The following ARHGAP35 variants were observed in gnomAD, a reference collection of about 807,000 sequenced individuals.
ARHGAP35 encodes Rho GTPase activating protein 35.
Under a neutral mutation model 111.1 loss-of-function variants are expected in ARHGAP35, and 15 were observed. That is an observed-to-expected ratio of 0.13 (90% CI 0.09 to 0.21). The LOEUF is 0.21. ARHGAP35 is among the 10% of genes least tolerant of loss of function. The probability of loss-of-function intolerance (pLI) is 1.00; values close to 1 mark genes in which losing one functional copy is unlikely to be tolerated. For synonymous variants in ARHGAP35, 643 were observed against 710.3 expected (o/e 0.91, Z 1.51); for missense variants, 1,262 against 1,873.0 (o/e 0.67, Z 6.02).
At chr19:46,916,505 A>G (rs1460775798) in intron 1 of ARHGAP35, among the ~76,000 whole-genome samples, 2 of 152,146 alleles carry the variant, frequency 1.3e-5, no homozygotes, top group Admixed American at 1.3e-4. Context: ...CTGAATCATC[A>G]TTCAGTTATT....
At position 46,989,854 on chromosome 19, in the gene ARHGAP35, G is replaced by C. The variant is rs1186497221; in HGVS notation, c.4036+179G>C. Among the ~76,000 whole-genome samples, 1 of 152,178 alleles carries C rather than the reference G, an allele frequency of 6.6e-6. No individual in the cohort carries two copies. The highest frequency in any genetic ancestry group is 1.5e-5 in the Non-Finnish European group (1 of 68,038). On this transcript the variant is annotated intron_variant, in intron 5 of 6. Transcript: ENST00000672722. This position sits in a 1 kb window ranked among gnomAD's most constrained non-coding sequence, Gnocchi z 5.3. ...TGCAAATCGGGCTCCTGCCCTTGTA[G>C]ACCTTAGGTGCTTATCTGAGGGTTA...
chr19:46,883,447 A>G (rs1462245551), intron 1 of ARHGAP35, among the ~76,000 whole-genome samples: 1 of 152,154 alleles, frequency 6.6e-6, no homozygotes, highest in Non-Finnish European at 1.5e-5. Flanking sequence ...ACAGGGACAG[A>G]GATGAGGAGC....
At chr19:46,954,063 T>C (rs1485166768) in intron 3 of ARHGAP35, among the ~76,000 whole-genome samples, 2 of 152,112 alleles carry the variant, frequency 1.3e-5, no homozygotes, top group African/African-American at 4.8e-5. Context: ...GAGCTTGCTC[T>C]CCTCCCTCTG....
In ARHGAP35 at chr19:46,951,670, T is replaced by G. The variant is rs76867458; in HGVS notation, c.3826+14262T>G. 7.9e-3 allele frequency among the ~76,000 whole-genome samples: 1,210 copies of G among 152,310 alleles called. 7 individuals are homozygous for G. The highest frequency in any genetic ancestry group is 0.013 in the Non-Finnish European group (857 of 68,014). ...ACCTGGCAGGTTGTAAGTAGTCAAT[T>G]TGCTACTGTTGTTGGTGTTATTATT... On this transcript the variant is annotated intron_variant, in intron 3 of 6. Coordinates refer to ENST00000672722, the MANE Select transcript of ARHGAP35 (RefSeq NM_004491.5).
At chr19:46,932,627 A>G (rs1305162176) in intron 2 of ARHGAP35, among the ~76,000 whole-genome samples, 1 of 152,114 alleles carries the variant, frequency 6.6e-6, no homozygotes, top group Non-Finnish European at 1.5e-5. Flanking sequence ...TGCACCCCAA[A>G]CCCTGATTTT....
chr19:46,927,020 G>A (rs1025200133), intron 2 of ARHGAP35, among the ~76,000 whole-genome samples: 8 of 152,236 alleles, frequency 5.3e-5, no homozygotes, highest in African/African-American at 1.9e-4. Context: ...GACTCTCAGT[G>A]TGTGCTTCAG....
At chr19:46,914,611 C>T (rs867242413) in intron 1 of ARHGAP35, among the ~76,000 whole-genome samples, 3 of 152,144 alleles carry the variant, frequency 2.0e-5, no homozygotes, top group Non-Finnish European at 4.4e-5. Context: ...AGCAAGACTC[C>T]ATCTCATAAA....
intron 1 of ARHGAP35, among the ~76,000 whole-genome samples, chr19:46,879,332 T>C (rs888362844): frequency 3.3e-5 from 5 of 151,964 alleles, no homozygotes; most frequent in African/African-American, 7.3e-5. Flanking sequence ...CTCACACCTA[T>C]AATCCCAGCA....
chr19:46,888,278 AT>A (rs1402946709), intron 1 of ARHGAP35, among the ~76,000 whole-genome samples: 1 of 43,894 alleles, frequency 2.3e-5, no homozygotes, highest in African/African-American at 1.2e-4. Context: ...ATATATATAT[AT>A]ATATATATAT....
chr19:46,906,747 G>A (rs2056110554), intron 1 of ARHGAP35, among the ~76,000 whole-genome samples: 1 of 152,154 alleles, frequency 6.6e-6, no homozygotes, highest in Non-Finnish European at 1.5e-5. Context: ...CTCAAAGCAG[G>A]AATCCAAAAC....
rs2056122762 is a variant in ARHGAP35, at chr19:46,908,561, G to A, written c.-188-9927G>A. Among the ~76,000 whole-genome samples the A allele has an allele frequency of 6.6e-6, 1 of 152,100 alleles. No homozygotes were observed. The highest frequency in any genetic ancestry group is 2.1e-4 in the South Asian group (1 of 4,826). ...GAAAGACTTCTTAGCTTTTGATTTT[G>A]TCTTTGTTTATATTTGCCTTATACT... On this transcript the variant is annotated intron_variant, in intron 1 of 6. Transcript: ENST00000672722. This position sits in a 1 kb window ranked among gnomAD's most constrained non-coding sequence, Gnocchi z 4.2.
At chr19:46,906,857 G>C (rs2056110932) in intron 1 of ARHGAP35, among the ~76,000 whole-genome samples, 1 of 152,236 alleles carries the variant, frequency 6.6e-6, no homozygotes, top group Non-Finnish European at 1.5e-5. Context: ...GGGAGGCTGA[G>C]GTAGGCGGAT....
chr19:46,995,140 G>A (rs1300355987), intron 5 of ARHGAP35, among the ~76,000 whole-genome samples: 5 of 152,182 alleles, frequency 3.3e-5, no homozygotes, highest in Non-Finnish European at 5.9e-5. Flanking sequence ...AGTGTGACTG[G>A]GTACAGTGGC....
chr19:46,903,236 A>G (rs1212227204), intron 1 of ARHGAP35, among the ~76,000 whole-genome samples: 1 of 152,222 alleles, frequency 6.6e-6, no homozygotes, highest in Non-Finnish European at 1.5e-5. Flanking sequence ...CATTCTGCAC[A>G]CAGTAATCAT....
chr19:46,890,384 CATTT>C (rs1217173999), intron 1 of ARHGAP35, among the ~76,000 whole-genome samples: 17 of 152,166 alleles, frequency 1.1e-4, no homozygotes, highest in African/African-American at 3.9e-4. Flanking sequence ...AGTATTCATT[CATTT>C]GTCATGTATT....
intron 1 of ARHGAP35, among the ~76,000 whole-genome samples, chr19:46,876,004 C>T (rs746394494): frequency 6.6e-6 from 1 of 152,086 alleles, no homozygotes; most frequent in Non-Finnish European, 1.5e-5. Flanking sequence ...GACACATGGC[C>T]TAGGTTTGAG....
intron 1 of ARHGAP35, among the ~76,000 whole-genome samples, chr19:46,863,097 T>C (rs1381452982): frequency 6.6e-6 from 1 of 151,386 alleles, no homozygotes; most frequent in Non-Finnish European, 1.5e-5. Flanking sequence ...AGGCTCCTTC[T>C]CTTCCCATTT....
intron 1 of ARHGAP35, among the ~76,000 whole-genome samples, chr19:46,869,684 A>G (rs998293547): frequency 9.2e-5 from 14 of 152,230 alleles, no homozygotes; most frequent in Non-Finnish European, 1.9e-4. Context: ...TTCTTTGTTC[A>G]GTAACAAATT....
intron 1 of ARHGAP35, among the ~76,000 whole-genome samples, chr19:46,884,020 A>G (rs1395194583): frequency 6.6e-6 from 1 of 152,148 alleles, no homozygotes; most frequent in Non-Finnish European, 1.5e-5. Flanking sequence ...GCGCCAGTGC[A>G]CTCCAACCTG....
Sources: gnomAD v4.1 joint callset for allele counts (sites outside exome capture counted in the v4.1 genomes callset) on GRCh38, gnomAD v4.1.1 for gene constraint, Gnocchi (gnomAD v3.1) non-coding constraint, MANE v1.5 for transcripts, NCBI Gene and HGNC (gene_info 2026-07-23, HGNC 2026-07-21) for gene names.